Variants in RUNX2 observed in about 807,000 individuals in gnomAD.
RUNX2 encodes runt-related transcription factor 2.
In RUNX2, 10 loss-of-function variants were observed where a neutral mutation model predicts 51.7. The ratio of observed to expected loss-of-function variants is 0.19; its 90% CI spans 0.12 to 0.33. The LOEUF (loss-of-function observed/expected upper bound fraction) is 0.33, where lower values mean the gene tolerates loss of function less well. RUNX2 is among the 10% of genes least tolerant of loss of function. RUNX2 has a pLI of 1.00. For missense variants in RUNX2, 562 were observed against 691.3 expected, an observed-to-expected ratio of 0.81 and a Z score of 2.10; for synonymous variants, 276 against 273.6, an observed-to-expected ratio of 1.01 and a Z score of -0.09.
chr6:45,484,695 A>G (rs745996881), intron 5 of RUNX2, among the ~76,000 whole-genome samples: 2 of 152,176 alleles, frequency 1.3e-5, no homozygotes, highest in Non-Finnish European at 2.9e-5. Flanking sequence ...TCCCTAAGAT[A>G]CAGTAAGGCT....
At chr6:45,501,101 A>G (rs1319225720) in intron 6 of RUNX2, among the ~76,000 whole-genome samples, 2 of 152,214 alleles carry the variant, frequency 1.3e-5, no homozygotes, top group African/African-American at 2.4e-5. Context: ...GCTATTCCTC[A>G]TGTGACCGAT....
At chr6:45,543,166 A>T (rs1802284330) in intron 7 of RUNX2, among the ~76,000 whole-genome samples, 1 of 152,200 alleles carries the variant, frequency 6.6e-6, no homozygotes, top group Non-Finnish European at 1.5e-5. Flanking sequence ...CAAGTTGAGT[A>T]AAACCAACCC....
chr6:45,354,630 TACACAC>T (rs35189031), intron 2 of RUNX2, among the ~76,000 whole-genome samples: 22,777 of 149,788 alleles, frequency 0.15, 1,941 homozygotes, highest in East Asian at 0.26. Flanking sequence ...CACGCACACA[TACACAC>T]ACACACACAC....
chr6:45,393,303 G>A (rs932280939), intron 2 of RUNX2, among the ~76,000 whole-genome samples: 20 of 152,190 alleles, frequency 1.3e-4, no homozygotes, highest in African/African-American at 4.3e-4. Flanking sequence ...AACTGAGGTA[G>A]ATAGGCCCTC....
chr6:45,381,296 TG>T (rs1447768916), intron 2 of RUNX2, among the ~76,000 whole-genome samples: 1 of 152,214 alleles, frequency 6.6e-6, no homozygotes, highest in Non-Finnish European at 1.5e-5. Flanking sequence ...TAGAACCAAA[TG>T]AACTAAAACC....
intron 7 of RUNX2, among the ~76,000 whole-genome samples, chr6:45,542,501 C>A (rs1003573186): frequency 6.6e-6 from 1 of 152,134 alleles, no homozygotes; most frequent in African/African-American, 2.4e-5. Flanking sequence ...CTGTAGGAAG[C>A]CAGCAGGTCC....
chr6:45,546,794 AT>A, intron 8 of RUNX2, 32 bp from the exon 9 acceptor site: 2 of 1,502,712 alleles, frequency 1.3e-6, no homozygotes, highest in Non-Finnish European at 1.9e-6. Flanking sequence ...ATATTTACAG[AT>A]TTTTCCCTCC....
At chr6:45,497,774 T>TC (rs1041680207) in intron 6 of RUNX2, among the ~76,000 whole-genome samples, 3 of 152,152 alleles carry the variant, frequency 2.0e-5, no homozygotes, top group African/African-American at 7.2e-5. Context: ...CATCTTTGTG[T>TC]CCCCCATTGT....
intron 7 of RUNX2, among the ~76,000 whole-genome samples, chr6:45,512,932 C>A (rs568276520): frequency 1.8e-4 from 27 of 152,088 alleles, no homozygotes; most frequent in Non-Finnish European, 2.9e-4. Context: ...TCTTAAAAGA[C>A]AATGCGTGGC....
At chr6:45,344,968 G>T (rs1158990670) in intron 2 of RUNX2, among the ~76,000 whole-genome samples, 1 of 152,102 alleles carries the variant, frequency 6.6e-6, no homozygotes, top group Non-Finnish European at 1.5e-5. Context: ...CTTCATTCTG[G>T]TGAGTTTAGA....
intron 2 of RUNX2, among the ~76,000 whole-genome samples, chr6:45,405,033 A>G (rs777663297): frequency 6.6e-6 from 1 of 152,254 alleles, no homozygotes; most frequent in Non-Finnish European, 1.5e-5. Context: ...GCATTAACTC[A>G]TGTAAATAAC....
At chr6:45,392,531 C>G (rs1179577180) in intron 2 of RUNX2, among the ~76,000 whole-genome samples, 1 of 151,980 alleles carries the variant, frequency 6.6e-6, no homozygotes, top group African/African-American at 2.4e-5. Flanking sequence ...AAATAAATAC[C>G]CTTTTACTTC....
chr6:45,454,201 C>G (rs897094003), intron 5 of RUNX2, among the ~76,000 whole-genome samples: 2 of 152,228 alleles, frequency 1.3e-5, no homozygotes, highest in African/African-American at 4.8e-5. Context: ...GCAAGACATA[C>G]CAGCCCCAAC....
chr6:45,387,756 C>T (rs1433556792), intron 2 of RUNX2, among the ~76,000 whole-genome samples: 2 of 152,112 alleles, frequency 1.3e-5, no homozygotes, highest in South Asian at 4.1e-4. Flanking sequence ...CAACAAGGAA[C>T]GTTGAGAGGG....
In RUNX2 at chr6:45,547,095, A is replaced by G. The variant is rs745399877; in HGVS notation, c.1356A>G (p.Gly452=). Residue 452 remains glycine (G), a synonymous_variant, in exon 9 of 9, where the codon GGA becomes GGG. Coordinates refer to ENST00000647337, the MANE Select transcript of RUNX2 (RefSeq NM_001024630.4). Reference sequence around the variant, plus strand: ...ATCTCTACTATGGCACTTCGTCAGGATCCTATCAGTTTCCCATGGTGCCGG... The same window carrying G: ...ATCTCTACTATGGCACTTCGTCAGGGTCCTATCAGTTTCCCATGGTGCCGG... The part of the protein sequence containing the change: ...TPYLYYGTSS[G]SYQFPMVPGG... 1.2e-6 allele frequency: 2 copies of G among 1,614,038 alleles called. No individual in the cohort carries two copies. The highest frequency in any genetic ancestry group is 2.2e-5 in the East Asian group (1 of 44,860).
At chr6:45,493,730 CTGTGTGTGTGTG>C (rs34362546) in intron 6 of RUNX2, among the ~76,000 whole-genome samples, 1 of 146,990 alleles carries the variant, frequency 6.8e-6, no homozygotes, top group East Asian at 2.0e-4. Context: ...AATCCTTAGA[CTGTGTGTGTGTG>C]TGTGTGTGTG....
intron 2 of RUNX2, among the ~76,000 whole-genome samples, chr6:45,389,654 G>A (rs1476009776): frequency 6.6e-6 from 1 of 152,164 alleles, no homozygotes; most frequent in Non-Finnish European, 1.5e-5. Context: ...ATTATAACCT[G>A]ATTAAAATAT....
chr6:45,429,987 G>A (rs968252412), intron 3 of RUNX2, among the ~76,000 whole-genome samples: 8 of 151,922 alleles, frequency 5.3e-5, no homozygotes, highest in Non-Finnish European at 8.8e-5. Flanking sequence ...CCAGCTACTC[G>A]GGAGGCTGAG....
chr6:45,508,523 C>A lies in RUNX2; in HGVS notation c.860-3723C>A, dbSNP rs188890063. ...GATTACAGGTGTGAGCCACTGCTCC[C>A]GGCCTATTTTATTTTTCTTTAGTAA... On this transcript the variant is annotated intron_variant, in intron 6 of 8. Coordinates refer to ENST00000647337, the MANE Select transcript of RUNX2 (RefSeq NM_001024630.4). Among the ~76,000 whole-genome samples the A allele has an allele frequency of 2.9e-4, 44 of 152,196 alleles. 2 individuals carry two copies. The South Asian group carries it at 7.7e-3, about 27-fold the overall frequency.
Sources: gnomAD v4.1 joint callset for allele counts (sites outside exome capture counted in the v4.1 genomes callset) on GRCh38, gnomAD v4.1.1 for gene constraint, MANE v1.5 for transcripts, NCBI Gene and HGNC (gene_info 2026-07-23, HGNC 2026-07-21) for gene names.